NEDD9: variants seen among roughly 807,000 people sequenced by gnomAD.
NEDD9 encodes the protein neural precursor cell expressed, developmentally down-regulated 9.
Under a neutral mutation model 76.6 loss-of-function variants are expected in NEDD9, and 26 were observed. The observed-to-expected ratio is 0.34, with a 90% CI of 0.25 to 0.47. The LOEUF is 0.47. NEDD9 is among the 20% of genes least tolerant of loss of function. The probability of loss-of-function intolerance (pLI) is 1.00; values close to 1 mark genes in which losing one functional copy is unlikely to be tolerated. For missense variants in NEDD9, 937 were observed against 1,058.5 expected, an observed-to-expected ratio of 0.89 and a Z score of 1.59; for synonymous variants, 392 against 414.2, an observed-to-expected ratio of 0.95 and a Z score of 0.65.
At chr6:11,230,275 A>G (rs1759429395) in intron 1 of NEDD9, among the ~76,000 whole-genome samples, 1 of 152,254 alleles carries the variant, frequency 6.6e-6, no homozygotes, top group South Asian at 2.1e-4. Context: ...AGAGAGGTCA[A>G]CGATAGCTCT....
intron 1 of NEDD9, among the ~76,000 whole-genome samples, chr6:11,346,319 A>T (rs982205633): frequency 4.6e-5 from 7 of 152,190 alleles, no homozygotes; most frequent in African/African-American, 1.7e-4. Flanking sequence ...TCCCAGTCCT[A>T]CTATTCCATG....
chr6:11,376,912 G>T (rs1762976696), intron 1 of NEDD9, among the ~76,000 whole-genome samples: 2 of 152,246 alleles, frequency 1.3e-5, no homozygotes, highest in Non-Finnish European at 2.9e-5. Context: ...GGGCCCTACT[G>T]CCCTGCTGAG....
chr6:11,209,770 A>G (rs1758718970), intron 2 of NEDD9, among the ~76,000 whole-genome samples: 1 of 152,202 alleles, frequency 6.6e-6, no homozygotes, highest in South Asian at 2.1e-4. Flanking sequence ...TGAACCCTGA[A>G]GGCCTTACTC....
At chr6:11,298,030 T>C (rs2281063) in intron 3 of NEDD9, among the ~76,000 whole-genome samples, 86,325 of 151,544 alleles carry the variant, frequency 0.57, 25,239 homozygotes, top group East Asian at 0.8. Context: ...GCCTCAGCCT[T>C]CTGAATAGCT....
At chr6:11,246,697 G>A (rs1317792170) in intron 3 of NEDD9, among the ~76,000 whole-genome samples, 2 of 152,116 alleles carry the variant, frequency 1.3e-5, no homozygotes, top group Admixed American at 6.5e-5. Context: ...AAAACAAGAT[G>A]GCAGCCCGGG....
At chr6:11,248,174 A>C (rs1759846240) in intron 3 of NEDD9, among the ~76,000 whole-genome samples, 1 of 152,156 alleles carries the variant, frequency 6.6e-6, no homozygotes, top group East Asian at 1.9e-4. Context: ...AAAAGATGAC[A>C]TATATACCAC....
At chr6:11,267,985 C>T (rs1237252429) in intron 3 of NEDD9, among the ~76,000 whole-genome samples, 1 of 152,170 alleles carries the variant, frequency 6.6e-6, no homozygotes, top group Non-Finnish European at 1.5e-5. Flanking sequence ...TTTGCTGGCT[C>T]TGAAACTGGA....
intron 2 of NEDD9, among the ~76,000 whole-genome samples, chr6:11,204,320 T>C (rs1016376351): frequency 6.6e-6 from 1 of 152,226 alleles, no homozygotes; most frequent in African/African-American, 2.4e-5. Context: ...GAAAGTTACT[T>C]CCTTATATGA....
chr6:11,311,184 T>C (rs1761355420), intron 2 of NEDD9, among the ~76,000 whole-genome samples: 1 of 152,118 alleles, frequency 6.6e-6, no homozygotes, highest in African/African-American at 2.4e-5. Flanking sequence ...TACCCCCAAA[T>C]TCATATGTTA....
intron 3 of NEDD9, among the ~76,000 whole-genome samples, chr6:11,291,458 TAG>T (rs1323738036): frequency 4.6e-5 from 7 of 151,988 alleles, no homozygotes; most frequent in Non-Finnish European, 8.8e-5. Context: ...GTATTTTTAG[TAG>T]AGACGGGGTT....
intron 1 of NEDD9, among the ~76,000 whole-genome samples, chr6:11,365,996 A>T (rs1762757052): frequency 1.4e-5 from 2 of 146,678 alleles, no homozygotes; most frequent in African/African-American, 5.1e-5. Context: ...CAGTCAAAAA[A>T]AGAAAGAGGC....
At chr6:11,318,535 T>G (rs1040729985) in intron 2 of NEDD9, among the ~76,000 whole-genome samples, 1 of 152,164 alleles carries the variant, frequency 6.6e-6, no homozygotes, top group African/African-American at 2.4e-5. Flanking sequence ...GTCTTACCAT[T>G]TCGTCTCATA....
At chr6:11,299,739 A>G (rs997606153) in intron 3 of NEDD9, among the ~76,000 whole-genome samples, 1 of 152,232 alleles carries the variant, frequency 6.6e-6, no homozygotes, top group African/African-American at 2.4e-5. Context: ...TTAGACCTCC[A>G]GCAAACTCCA....
rs1244032773 is a variant in NEDD9, at chr6:11,190,216, G to A, written c.1653C>T (p.Thr551=). 2 of 1,614,088 alleles carry A rather than the reference G, an allele frequency of 1.2e-6. No individual in the cohort carries two copies. Among genetic ancestry groups the A allele is most frequent in the South Asian group, 1.1e-5 (1 of 91,094 alleles). The change falls in exon 5 of 7, where the codon ACC becomes ACT. Residue 551 remains threonine (T), a synonymous_variant. Transcript: ENST00000379446. This position sits in a 1 kb window ranked among gnomAD's most constrained non-coding sequence, Gnocchi z 5.8. The part of the protein sequence containing the change: ...DAKQLTTTIN[T]NAEALFRPGP... ...CGGGTCTGAAGAGGGCCTCTGCGTT[G>A]GTGTTGATGGTTGTGGTGAGCTGCT...
intron 3 of NEDD9, among the ~76,000 whole-genome samples, chr6:11,262,616 A>G (rs554159455): frequency 6.6e-6 from 1 of 152,368 alleles, no homozygotes; most frequent in African/African-American, 2.4e-5. Context: ...CACATTTCCA[A>G]TTTGGCTTCC....
chr6:11,238,886 G>A (rs9468690), intron 3 of NEDD9, among the ~76,000 whole-genome samples: 59,187 of 152,080 alleles, frequency 0.39, 11,756 homozygotes, highest in South Asian at 0.47. Context: ...ATGGCTGTGT[G>A]CGGTAGCTCA....
chr6:11,204,733 A>AT (rs1285396394), intron 2 of NEDD9, among the ~76,000 whole-genome samples: 25 of 149,772 alleles, frequency 1.7e-4, no homozygotes, highest in Non-Finnish European at 2.5e-4. Context: ...AAAAAAAAAA[A>AT]AAAAGAAAGA....
intron 1 of NEDD9, among the ~76,000 whole-genome samples, chr6:11,337,184 C>T (rs903448002): frequency 6.6e-6 from 1 of 152,146 alleles, no homozygotes; most frequent in African/African-American, 2.4e-5. Context: ...TGCCACTGCA[C>T]TCCAGCCTGG....
chr6:11,239,653 C>T (rs944306242), intron 3 of NEDD9, among the ~76,000 whole-genome samples: 10 of 152,154 alleles, frequency 6.6e-5, no homozygotes, highest in Admixed American at 1.3e-4. Flanking sequence ...GCACAAGAGA[C>T]CTCATGAAGG....
Sources: gnomAD v4.1 joint callset for allele counts (sites outside exome capture counted in the v4.1 genomes callset) on GRCh38, gnomAD v4.1.1 for gene constraint, Gnocchi (gnomAD v3.1) non-coding constraint, MANE v1.5 for transcripts, NCBI Gene and HGNC (gene_info 2026-07-23, HGNC 2026-07-21) for gene names.